The following CNGB1 variants were observed in gnomAD, a reference collection of about 807,000 sequenced individuals.
The protein encoded by CNGB1 is cyclic nucleotide gated channel subunit beta 1.
In CNGB1, 126 loss-of-function variants were observed where a neutral mutation model predicts 151.7. That is an observed-to-expected ratio of 0.83 (90% CI 0.72 to 0.96). The LOEUF (loss-of-function observed/expected upper bound fraction) is 0.96, where lower values mean the gene tolerates loss of function less well. Among genes scored for constraint, CNGB1 ranks in the 40% least tolerant of loss-of-function variants. The pLI is 0.00. For missense variants in CNGB1, 1,698 were observed against 1,627.0 expected (o/e 1.04, Z -0.75); for synonymous variants, 623 against 635.1 (o/e 0.98, Z 0.29).
At chr16:57,941,939 C>A (rs183450310) in intron 14 of CNGB1, among the ~76,000 whole-genome samples, 1 of 152,278 alleles carries the variant, frequency 6.6e-6, no homozygotes, top group Admixed American at 6.5e-5. Flanking sequence ...ACAGCCTCAA[C>A]CTCCCAGGCT....
chr16:57,932,124 C>T (rs546991924), intron 16 of CNGB1, among the ~76,000 whole-genome samples: 33 of 152,316 alleles, frequency 2.2e-4, no homozygotes, highest in South Asian at 8.3e-4. Context: ...ACAGAAACCA[C>T]GGGAGCTCCC....
Position 57,917,314 on chromosome 16 carries a change from G to A in CNGB1, c.2120C>T (p.Thr707Ile), listed in dbSNP as rs1371406045. ...LCDLIYFLDI[T>I]VFQTRLQFVR... ...AAACTGCAGGCGTGTCTGGAACACG[G>A]TGATGTCCAGGAAGTAGATGAGGTC... The change falls in exon 21 of 33, where the codon ACC (threonine) becomes ATC (isoleucine). Residue 707 changes from threonine to isoleucine, a missense_variant. Thr to Ile is a moderately conservative substitution (Grantham distance 89, BLOSUM62 -1). Coordinates refer to ENST00000251102, the MANE Select transcript of CNGB1 (RefSeq NM_001297.5). 6.2e-7 allele frequency: 1 copy of A among 1,614,112 alleles called. No individual in the cohort carries two copies. Among genetic ancestry groups the A allele is most frequent in the Non-Finnish European group, 8.5e-7 (1 of 1,180,038 alleles).
intron 14 of CNGB1, among the ~76,000 whole-genome samples, chr16:57,943,941 G>A (rs1210709804): frequency 6.6e-6 from 1 of 151,688 alleles, no homozygotes; most frequent in Non-Finnish European, 1.5e-5. Flanking sequence ...AGGCTGGAGT[G>A]CAATGACGCG....
At chr16:57,960,271 C>A (rs1032690807) in intron 9 of CNGB1, among the ~76,000 whole-genome samples, 43 of 152,332 alleles carry the variant, frequency 2.8e-4, no homozygotes, top group African/African-American at 9.6e-4. Context: ...CCAAGACCCA[C>A]AAGTCTGTTC....
chr16:57,960,129 A>G (rs1962205276), intron 9 of CNGB1, 64 bp from the exon 10 acceptor site: 1 of 1,531,542 alleles, frequency 6.5e-7, no homozygotes, highest in African/African-American at 1.4e-5. Context: ...CAACCCCTCA[A>G]GGGCACGGGG....
At position 57,931,000 on chromosome 16, in the gene CNGB1, G is replaced by GT. The variant is rs1210959870; in HGVS notation, c.1535+715dup. 1.7e-3 allele frequency among the ~76,000 whole-genome samples: 251 copies of GT among 148,532 alleles called. 1 individual carries two copies. In the Middle Eastern group the frequency reaches 0.027, roughly 16 times the overall value. On this transcript the variant is annotated intron_variant, in intron 17 of 32. Transcript: ENST00000251102. ...TGTACTGTACACTTAAAATTTAAGA[G>GT]TTTTTTTTTTAAAAAAGACTTGGTG...
chr16:57,931,164 T>A (rs1168527881), intron 17 of CNGB1, among the ~76,000 whole-genome samples: 10 of 151,564 alleles, frequency 6.6e-5, no homozygotes, highest in African/African-American at 2.4e-4. Flanking sequence ...AAAGTTTTTT[T>A]TTTTTATTTT....
Position 57,897,809 on chromosome 16 carries a change from A to ACACAGATCC in CNGB1, c.3073_3081dup (p.Gly1025_Val1027dup), listed in dbSNP as rs2149355705. The stretch of plus-strand genomic sequence containing the variant: ...GCTGCGTCTGACCTTATTTCTCCAA[A>ACACAGATCC]CACAGATCCAGCTTTCAGCGTCACC... On this transcript the variant is annotated inframe_insertion, in exon 30 of 33. Coordinates refer to ENST00000251102, the MANE Select transcript of CNGB1 (RefSeq NM_001297.5). The ACACAGATCC allele has an allele frequency of 6.2e-7, 1 of 1,614,056 alleles. No individual in the cohort carries two copies. The highest frequency in any genetic ancestry group is 8.5e-7 in the Non-Finnish European group (1 of 1,179,992).
intron 12 of CNGB1, among the ~76,000 whole-genome samples, chr16:57,952,383 C>T (rs1961971488): frequency 6.6e-6 from 1 of 152,180 alleles, no homozygotes; most frequent in South Asian, 2.1e-4. Context: ...TATGGGGTGC[C>T]GTCCTTAAGA....
At chr16:57,957,408 T>C in intron 11 of CNGB1, 31 bp from the exon 12 acceptor site, 1 of 1,609,222 alleles carries the variant, frequency 6.2e-7, no homozygotes, top group Non-Finnish European at 8.5e-7. Flanking sequence ...GGGAAAATCC[T>C]GCCACGGCCT....
chr16:57,930,614 A>G (rs1256180999), intron 17 of CNGB1, among the ~76,000 whole-genome samples: 3 of 152,030 alleles, frequency 2.0e-5, no homozygotes, highest in Admixed American at 2.0e-4. Context: ...AAGAAAATAA[A>G]AGAACAAAGA....
Position 57,887,847 on chromosome 16 carries a change from C to A in CNGB1, c.3462+8G>T, listed in dbSNP as rs368962905. On this transcript the variant is annotated splice_region_variant and intron_variant, in intron 32 of 32. Coordinates refer to ENST00000251102, the MANE Select transcript of CNGB1 (RefSeq NM_001297.5). ...TGAACGTGGTGGCTGGGTTCCCAAC[C>A]ACATTACCTGTTCCACCAACTCTTG... The A allele has an allele frequency of 2.1e-4, 345 of 1,613,652 alleles. No homozygotes were observed. Among genetic ancestry groups the A allele is most frequent in the Non-Finnish European group, 2.8e-4 (336 of 1,179,904 alleles).
intron 23 of CNGB1, among the ~76,000 whole-genome samples, chr16:57,913,363 G>C (rs1318682578): frequency 6.6e-6 from 1 of 152,142 alleles, no homozygotes; most frequent in Non-Finnish European, 1.5e-5. Flanking sequence ...TTAATAAAGA[G>C]ACAGCATCCC....
intron 22 of CNGB1, 145 bp from the exon 23 acceptor site, chr16:57,915,480 G>A (rs1369009977): frequency 1.4e-6 from 1 of 705,966 alleles, no homozygotes; most frequent in African/African-American, 1.8e-5. Context: ...GGCAGAAGGT[G>A]TCCCACCGAC....
intron 2 of CNGB1, among the ~76,000 whole-genome samples, chr16:57,964,786 C>T (rs1466838349): frequency 5.9e-5 from 9 of 152,202 alleles, no homozygotes; most frequent in Non-Finnish European, 8.8e-5. Flanking sequence ...TCCAAGGTGG[C>T]CTCCAAGCCT....
chr16:57,926,851 G>C (rs555714492), intron 17 of CNGB1, among the ~76,000 whole-genome samples: 2 of 152,278 alleles, frequency 1.3e-5, no homozygotes, highest in East Asian at 3.9e-4. Context: ...ATGGTGGCAG[G>C]CACCTATAAT....
Position 57,903,826 on chromosome 16 carries a change from C to A in CNGB1, c.2790G>T (p.Met930Ile). The A allele has an allele frequency of 6.2e-7, 1 of 1,614,114 alleles. No homozygotes were observed. Among genetic ancestry groups the A allele is most frequent in the South Asian group, 1.1e-5 (1 of 91,060 alleles). The change falls in exon 27 of 33, where the codon ATG becomes ATT. Residue 930 changes from methionine to isoleucine, a missense_variant. Met to Ile is a conservative substitution (Grantham distance 10). Coordinates refer to ENST00000251102, the MANE Select transcript of CNGB1 (RefSeq NM_001297.5). The part of the protein sequence containing the change: ...WYEYTWHSQG[M>I]LDESELMVQL... ...GCCAGGGCGTGACCATCTTACCCAG[C>A]ATGCCTTGCGAGTGCCAGGTGTACT...
rs764636822 is a variant in CNGB1, at chr16:57,911,585, G to A, written c.2492+168C>T. Among the ~76,000 whole-genome samples the A allele has an allele frequency of 6.6e-5, 10 of 152,198 alleles. 1 individual carries two copies. The highest frequency in any genetic ancestry group is 1.3e-4 in the Admixed American group (2 of 15,274). Reference sequence around the variant, plus strand: ...GTTAAAGGTGTGAGCCACCACACCCGGCCCAAGATGTGGCTCTTGAGCCTT... The same window carrying A: ...GTTAAAGGTGTGAGCCACCACACCCAGCCCAAGATGTGGCTCTTGAGCCTT... On this transcript the variant is annotated intron_variant, in intron 25 of 32. Transcript: ENST00000251102.
chr16:57,906,199 ATC>A (rs139113790), intron 25 of CNGB1, among the ~76,000 whole-genome samples: 5 of 150,886 alleles, frequency 3.3e-5, no homozygotes, highest in South Asian at 4.2e-4. Context: ...ACTTGGACAA[ATC>A]TCTCTCTCTC....
Sources: gnomAD v4.1 joint callset for allele counts (sites outside exome capture counted in the v4.1 genomes callset) on GRCh38, gnomAD v4.1.1 for gene constraint, MANE v1.5 for transcripts, NCBI Gene and HGNC (gene_info 2026-07-23, HGNC 2026-07-21) for gene names.